Variants in BCAS3 observed in about 807,000 individuals in gnomAD.
The protein encoded by BCAS3 is BCAS4/BCAS3 fusion.
A neutral mutation model predicts 116.1 loss-of-function variants in BCAS3; 53 were observed. That is an observed-to-expected ratio of 0.46 (90% CI 0.37 to 0.57). The LOEUF (loss-of-function observed/expected upper bound fraction) is 0.57. BCAS3 is among the 20% of genes least tolerant of loss of function. The pLI, the probability that BCAS3 is intolerant of heterozygous loss-of-function variation, is 0.00. For synonymous variants in BCAS3, 391 were observed against 408.2 expected (o/e 0.96, Z 0.51); for missense variants, 917 against 1,165.4 (o/e 0.79, Z 3.10).
chr17:61,090,360 G>A (rs1294002750), intron 22 of BCAS3, among the ~76,000 whole-genome samples: 2 of 152,158 alleles, frequency 1.3e-5, no homozygotes, highest in Non-Finnish European at 2.9e-5. Context: ...TGTGGGATCA[G>A]TAAGAAGATT....
At chr17:60,800,148 T>C (rs568558035) in intron 6 of BCAS3, among the ~76,000 whole-genome samples, 49 of 152,298 alleles carry the variant, frequency 3.2e-4, no homozygotes, top group African/African-American at 1.2e-3. Flanking sequence ...TGGACAAAAG[T>C]CTTCAGTTCA....
In BCAS3 at chr17:60,924,518, C is replaced by CTT. The variant is rs75229063; in HGVS notation, c.1087+35_1087+36dup. On this transcript the variant is annotated intron_variant, in intron 13 of 23. Transcript: ENST00000407086. ...TACAAGTGGTAAGTTCGCTCTCTGT[C>CTT]TTTTTTTTTTTTTTTTTTGTAGACC... The CTT allele has an allele frequency of 6.4e-3, 6,980 of 1,092,974 alleles. No individual in the cohort carries two copies. Among genetic ancestry groups the CTT allele is most frequent in the South Asian group, 0.013 (760 of 59,068 alleles). 67.7% of individuals were successfully genotyped at this position (1,092,974 alleles called of 1,614,324 possible).
chr17:60,836,000 T>A (rs1225173471), intron 7 of BCAS3, among the ~76,000 whole-genome samples: 1 of 152,118 alleles, frequency 6.6e-6, no homozygotes, highest in African/African-American at 2.4e-5. Flanking sequence ...TCTAAAAAAA[T>A]TTTATCCTCT....
intron 7 of BCAS3, among the ~76,000 whole-genome samples, chr17:60,811,818 C>T (rs915865452): frequency 2.0e-5 from 3 of 152,142 alleles, no homozygotes; most frequent in African/African-American, 7.2e-5. Flanking sequence ...GAGGCCAAGG[C>T]CAGCGGATCG....
intron 7 of BCAS3, 31 bp from the exon 8 acceptor site, chr17:60,868,545 A>C (rs764655566): frequency 1.4e-6 from 2 of 1,402,770 alleles, no homozygotes; most frequent in Non-Finnish European, 1.9e-6. Context: ...TTTTAAAAAA[A>C]TGACATTTTT....
chr17:61,037,862 C>T lies in BCAS3; in HGVS notation c.1763-27C>T. ...GTGCTCCATTTATGCCATCATAACA[C>T]ATCGGGTTCTGTTTCTCTGTTTGTA... On this transcript the variant is annotated intron_variant, in intron 17 of 23. Coordinates refer to ENST00000407086, the MANE Select transcript of BCAS3 (RefSeq NM_017679.5). This position sits in a 1 kb window ranked among gnomAD's most constrained non-coding sequence, Gnocchi z 4.7. The T allele has an allele frequency of 1.0e-5, 16 of 1,604,298 alleles. No homozygotes were observed. Among genetic ancestry groups the T allele is most frequent in the Non-Finnish European group, 1.4e-5 (16 of 1,172,690 alleles).
At chr17:61,308,727 T>G (rs961193206) in intron 22 of BCAS3, among the ~76,000 whole-genome samples, 3 of 152,186 alleles carry the variant, frequency 2.0e-5, no homozygotes, top group Non-Finnish European at 2.9e-5. Flanking sequence ...GTTCCCATAC[T>G]GGCCTTTTAG....
chr17:61,255,751 G>A (rs748437033), intron 22 of BCAS3, among the ~76,000 whole-genome samples: 10 of 152,206 alleles, frequency 6.6e-5, no homozygotes, highest in Non-Finnish European at 1.3e-4. Context: ...AAAGGGTTCC[G>A]GATGTAGCTG....
At chr17:60,777,437 C>CAA (rs764340073) in intron 6 of BCAS3, among the ~76,000 whole-genome samples, 3 of 152,022 alleles carry the variant, frequency 2.0e-5, no homozygotes, top group Non-Finnish European at 2.9e-5. Context: ...CCAGCCTGGC[C>CAA]AACATGGCAA....
chr17:60,717,734 T>C (rs1055069042), intron 5 of BCAS3, among the ~76,000 whole-genome samples: 3 of 152,156 alleles, frequency 2.0e-5, no homozygotes, highest in Non-Finnish European at 4.4e-5. Context: ...CCCAACCTTT[T>C]TGGCACCAGG....
chr17:60,691,748 G>A (rs1027289748), intron 4 of BCAS3, among the ~76,000 whole-genome samples: 4 of 149,416 alleles, frequency 2.7e-5, no homozygotes, highest in African/African-American at 9.9e-5. Context: ...CACCATCCAC[G>A]ATGAGAAAGT....
intron 22 of BCAS3, among the ~76,000 whole-genome samples, chr17:61,127,657 T>C (rs1329053887): frequency 6.7e-6 from 1 of 149,166 alleles, no homozygotes; most frequent in African/African-American, 2.5e-5. Flanking sequence ...TTTAAGAGGA[T>C]GGGGAAGTAC....
At chr17:61,014,698 T>A (rs563359887) in intron 15 of BCAS3, among the ~76,000 whole-genome samples, 1 of 151,460 alleles carries the variant, frequency 6.6e-6, no homozygotes, top group Admixed American at 6.6e-5. Flanking sequence ...TAAAACTATC[T>A]GTTTTTTGAG....
chr17:60,790,023 T>G (rs2046622713), intron 6 of BCAS3, among the ~76,000 whole-genome samples: 1 of 152,172 alleles, frequency 6.6e-6, no homozygotes, highest in Non-Finnish European at 1.5e-5. Context: ...TTGTAGATTG[T>G]GGTGTTTTCT....
chr17:60,934,033 C>T (rs776867115), intron 13 of BCAS3, among the ~76,000 whole-genome samples: 9 of 151,842 alleles, frequency 5.9e-5, no homozygotes, highest in Non-Finnish European at 1.0e-4. Flanking sequence ...GGGTGACTTA[C>T]GATTAGGTAG....
chr17:60,861,517 C>T (rs887416161), intron 7 of BCAS3, among the ~76,000 whole-genome samples: 5 of 152,096 alleles, frequency 3.3e-5, no homozygotes, highest in South Asian at 2.1e-4. Flanking sequence ...GCTGGGACTT[C>T]CAGAACTGTG....
In BCAS3 at chr17:60,956,939, C is replaced by T. The variant is rs920277080; in HGVS notation, c.1221+9587C>T. Among the ~76,000 whole-genome samples, 2 of 152,082 alleles carry T rather than the reference C, an allele frequency of 1.3e-5. No individual in the cohort carries two copies. Among genetic ancestry groups the T allele is most frequent in the African/African-American group, 2.4e-5 (1 of 41,416 alleles). The stretch of plus-strand genomic sequence containing the variant: ...TTCTGGATTCTTCCAAGAACTCTGA[C>T]GGTACTTTAATCAGGCAAGGAAAAA... On this transcript the variant is annotated intron_variant, in intron 14 of 23. Coordinates refer to ENST00000407086, the MANE Select transcript of BCAS3 (RefSeq NM_017679.5). The surrounding 1 kb of genome is among the most constrained non-coding windows in gnomAD (Gnocchi z 4.2).
At chr17:60,805,725 G>C (rs577188823) in intron 6 of BCAS3, among the ~76,000 whole-genome samples, 1 of 152,040 alleles carries the variant, frequency 6.6e-6, no homozygotes, top group South Asian at 2.1e-4. Context: ...CTACTTGGAA[G>C]GCTGAGGCAG....
At chr17:61,003,823 G>C (rs2064452544) in intron 15 of BCAS3, 1 of 151,704 alleles carries the variant, frequency 6.6e-6, no homozygotes, top group Non-Finnish European at 1.5e-5. Context: ...CAATACTAAG[G>C]AACTGATTGG....
Sources: allele counts gnomAD v4.1 joint callset (sites outside exome capture counted in the v4.1 genomes callset), GRCh38; gene constraint gnomAD v4.1.1; non-coding constraint Gnocchi (gnomAD v3.1); transcripts MANE v1.5; gene names NCBI Gene and HGNC (gene_info 2026-07-23, HGNC 2026-07-21).